Variants in HUWE1 observed in about 807,000 individuals in gnomAD.
The protein encoded by HUWE1 is E3 ubiquitin-protein ligase HUWE1.
HUWE1 carries 18 observed loss-of-function variants against 299.4 expected under a neutral mutation model. The observed-to-expected ratio is 0.06, with a 90% CI of 0.04 to 0.09. The LOEUF (loss-of-function observed/expected upper bound fraction) is 0.09, where lower values mean the gene tolerates loss of function less well. Among genes scored for constraint, HUWE1 ranks in the 10% least tolerant of loss-of-function variants. The pLI is 1.00. For synonymous variants in HUWE1, 1,317 were observed against 1,286.1 expected, an observed-to-expected ratio of 1.02 and a Z score of -0.51; for missense variants, 1,832 against 3,462.3, an observed-to-expected ratio of 0.53 and a Z score of 11.82.
intron 30 of HUWE1, 144 bp from the exon 31 acceptor site, chrX:53,594,765 T>C: frequency 1.7e-6 from 1 of 583,996 alleles, no homozygotes; most frequent in Non-Finnish European, 2.8e-6. Context: ...TGAGTATCCC[T>C]ATCAGAAAAT....
At chrX:53,641,125 A>T in intron 7 of HUWE1, among the ~76,000 whole-genome samples, 1 of 111,736 alleles carries the variant, frequency 8.9e-6, no homozygotes, top group Non-Finnish European at 1.9e-5. Context: ...AAGTGTGAAG[A>T]AAAGTTCTAA....
intron 5 of HUWE1, 144 bp downstream of exon 5, chrX:53,648,068 T>C (rs2068180144): frequency 2.0e-6 from 1 of 500,645 alleles, no homozygotes; most frequent in South Asian, 2.7e-5. Context: ...GGTTTAAAGC[T>C]GTGTTAGGCA....
chrX:53,614,416 T>C lies in HUWE1; in HGVS notation c.2261+118A>G, dbSNP rs2065681349. ...ACATTCTTAGAACCGGTTAGAACTT[T>C]AAAATGATCTAATACAACTCTCTTG... On this transcript the variant is annotated intron_variant, in intron 23 of 83. Coordinates refer to ENST00000262854, the MANE Select transcript of HUWE1 (RefSeq NM_031407.7). 3 of 597,342 alleles carry C rather than the reference T, an allele frequency of 5.0e-6. No homozygotes were observed. The South Asian group carries it at 7.0e-5, about 14-fold the overall frequency. 49.2% of individuals were successfully genotyped at this position (597,342 alleles called of 1,213,427 possible).
At chrX:53,554,222 GGA>G (rs1229333306) in intron 61 of HUWE1, among the ~76,000 whole-genome samples, 1 of 110,923 alleles carries the variant, frequency 9.0e-6, no homozygotes, top group East Asian at 2.8e-4. Flanking sequence ...CATCGATTTT[GGA>G]GAGTTTTTTT....
chrX:53,629,264 G>C (rs1314415809), intron 13 of HUWE1, among the ~76,000 whole-genome samples: 2 of 111,645 alleles, frequency 1.8e-5, no homozygotes, highest in African/African-American at 6.5e-5. Context: ...TTCCACACCT[G>C]ATCTCATGTG....
Position 53,608,926 on chromosome X carries a change from G to T in HUWE1, c.2262-17C>A, listed in dbSNP as rs143891272. 2,800 of 1,038,449 alleles carry T rather than the reference G, an allele frequency of 2.7e-3. 48 individuals are homozygous for T. The African/African-American group carries it at 0.047, about 17-fold the overall frequency. The allele number at this position is 1,038,449 out of a possible 1,213,427, so 85.6% of individuals were successfully genotyped here. On this transcript the variant is annotated splice_polypyrimidine_tract_variant and intron_variant, in intron 23 of 83. Transcript: ENST00000262854. ...CCAACAACCCTGTTAGGGGAGAAAA[G>T]AGTGAGTTACACAGAAATTCACAAT...
intron 60 of HUWE1, chrX:53,556,330 G>A (rs1556934762): frequency 2.9e-6 from 1 of 347,127 alleles, no homozygotes; most frequent in Non-Finnish European, 5.8e-6. Context: ...ACCCTGGCAT[G>A]AGCAGAATCC....
At chrX:53,620,689 AAC>A (rs2066094221) in intron 19 of HUWE1, among the ~76,000 whole-genome samples, 1 of 111,876 alleles carries the variant, frequency 8.9e-6, no homozygotes, top group South Asian at 3.7e-4. Flanking sequence ...CATCTGAAAA[AAC>A]ACAATTAGTG....
At chrX:53,619,157 G>A (rs1456050561) in intron 19 of HUWE1, among the ~76,000 whole-genome samples, 1 of 111,282 alleles carries the variant, frequency 9.0e-6, no homozygotes, top group East Asian at 2.8e-4. Context: ...CCAAATGCTA[G>A]GGGAATGGCA....
At chrX:53,627,355 TG>T in intron 17 of HUWE1, 54 bp downstream of exon 17, 1 of 706,140 alleles carries the variant, frequency 1.4e-6, no homozygotes, top group Admixed American at 2.3e-5. Context: ...AAAACTGGGG[TG>T]GGATGACAAA....
At chrX:53,678,869 A>T (rs2069972114) in intron 3 of HUWE1, among the ~76,000 whole-genome samples, 1 of 112,523 alleles carries the variant, frequency 8.9e-6, no homozygotes, top group South Asian at 3.7e-4. Context: ...TTCTTCCACC[A>T]GGAGGCCTAC....
At position 53,549,381 on chromosome X, in the gene HUWE1, G is replaced by T; in HGVS notation, c.9613C>A (p.Leu3205Ile). 1 of 1,211,637 alleles carries T rather than the reference G, an allele frequency of 8.3e-7. No individual in the cohort carries two copies. Among genetic ancestry groups the T allele is most frequent in the Non-Finnish European group, 1.1e-6 (1 of 895,323 alleles). ...VDEPKLNTSR[L>I]HRVLRNLCYH... ...CAGAGATTTCTCAGTACTCGGTGTA[G>T]ACGGCTAGTATTGAGCTTTGGCTCA... The change falls in exon 67 of 84, where the codon CTA (leucine) becomes ATA (isoleucine). Residue 3205 changes from leucine (L) to isoleucine (I), a missense_variant. Transcript: ENST00000262854.
chrX:53,539,641 T>C lies in HUWE1; in HGVS notation c.11632+16A>G. Reference sequence around the variant, plus strand: ...GACCACTGGGTTGGGACCTGGGCCTTTAGGACACAACTCACCTAGCACCGC... The same window carrying C: ...GACCACTGGGTTGGGACCTGGGCCTCTAGGACACAACTCACCTAGCACCGC... On this transcript the variant is annotated intron_variant, in intron 75 of 83. Transcript: ENST00000262854. 8.3e-7 allele frequency: 1 copy of C among 1,210,601 alleles called. No individual in the cohort carries two copies. The highest frequency in any genetic ancestry group is 1.1e-6 in the Non-Finnish European group (1 of 894,480).
At chrX:53,580,476 C>T (rs1051399580) in intron 43 of HUWE1, among the ~76,000 whole-genome samples, 27 of 112,166 alleles carry the variant, frequency 2.4e-4, no homozygotes, top group Admixed American at 2.2e-3. Context: ...ACACAGATGA[C>T]GTCTATTTCG....
chrX:53,548,565 T>C (rs1219186369), intron 67 of HUWE1, among the ~76,000 whole-genome samples: 18 of 112,782 alleles, frequency 1.6e-4, no homozygotes, highest in Non-Finnish European at 2.2e-4. Context: ...TTAAACGACA[T>C]GATGTATTTT....
At chrX:53,558,555 G>C (rs1302677268) in intron 59 of HUWE1, 100 bp downstream of exon 59, 4 of 864,169 alleles carry the variant, frequency 4.6e-6, no homozygotes, top group Middle Eastern at 2.7e-4. Context: ...CAACGTGAAC[G>C]TTCTAGGATT....
At chrX:53,597,504 GAAAGATAAACT>G (rs1243573030) in intron 29 of HUWE1, among the ~76,000 whole-genome samples, 2 of 88,392 alleles carry the variant, frequency 2.3e-5, no homozygotes, top group South Asian at 6.4e-4. Context: ...CCTTGAAGGA[GAAAGATAAACT>G]ACCAGCTGCT....
At chrX:53,573,285 A>C (rs1319651271) in intron 47 of HUWE1, among the ~76,000 whole-genome samples, 4 of 111,190 alleles carry the variant, frequency 3.6e-5, no homozygotes, top group African/African-American at 1.3e-4. Flanking sequence ...TCACCCAGGC[A>C]GGTGTACGAT....
chrX:53,651,992 C>T (rs1557040472), intron 4 of HUWE1, among the ~76,000 whole-genome samples: 1 of 111,713 alleles, frequency 9.0e-6, no homozygotes, highest in African/African-American at 3.3e-5. Flanking sequence ...GCAAAAAAAT[C>T]CCAAATAACA....
Sources: gnomAD v4.1 joint callset for allele counts (sites outside exome capture counted in the v4.1 genomes callset) on GRCh38, gnomAD v4.1.1 for gene constraint, MANE v1.5 for transcripts, NCBI Gene and HGNC (gene_info 2026-07-23, HGNC 2026-07-21) for gene names.